The following PDE7B variants were observed in gnomAD, a reference collection of about 807,000 sequenced individuals.
PDE7B encodes the protein phosphodiesterase 7B.
A neutral mutation model predicts 56.2 loss-of-function variants in PDE7B; 29 were observed. That is an observed-to-expected ratio of 0.52 (90% CI 0.38 to 0.70). PDE7B has a LOEUF of 0.70. Ranked by LOEUF, PDE7B falls within the 30% of genes least tolerant of loss-of-function variation. The pLI is 0.00. For synonymous variants in PDE7B, 197 were observed against 196.9 expected, an observed-to-expected ratio of 1.00 and a Z score of 0.00; for missense variants, 490 against 565.0, an observed-to-expected ratio of 0.87 and a Z score of 1.35.
intron 1 of PDE7B, among the ~76,000 whole-genome samples, chr6:135,873,311 G>T (rs138708315): frequency 1.2e-3 from 190 of 152,256 alleles, no homozygotes; most frequent in African/African-American, 4.4e-3. Context: ...TGGGGGTAAA[G>T]ATGCCTTCCC....
chr6:135,878,170 A>G (rs1400229689), intron 1 of PDE7B, among the ~76,000 whole-genome samples: 1 of 152,226 alleles, frequency 6.6e-6, no homozygotes, highest in African/African-American at 2.4e-5. Context: ...TCTCATGACC[A>G]TAACACTGAA....
At chr6:136,178,949 A>C in intron 9 of PDE7B, 48 bp from the exon 10 acceptor site, 1 of 1,602,746 alleles carries the variant, frequency 6.2e-7, no homozygotes, top group Non-Finnish European at 8.5e-7. Context: ...CCCTCATCAA[A>C]GGGATTTGCT....
At chr6:136,151,941 AAAATAAAT>A (rs142191170) in intron 6 of PDE7B, among the ~76,000 whole-genome samples, 1 of 151,782 alleles carries the variant, frequency 6.6e-6, no homozygotes, top group Admixed American at 6.6e-5. Context: ...CTCTGTCTTA[AAAATAAAT>A]AAATAAATAA....
intron 6 of PDE7B, among the ~76,000 whole-genome samples, chr6:136,153,481 T>C (rs1778558343): frequency 6.6e-6 from 1 of 152,150 alleles, no homozygotes; most frequent in African/African-American, 2.4e-5. Context: ...AAGCCTTACA[T>C]TAGACTGCAG....
intron 2 of PDE7B, among the ~76,000 whole-genome samples, chr6:135,955,691 G>A (rs987176858): frequency 6.6e-6 from 1 of 152,102 alleles, no homozygotes; most frequent in Non-Finnish European, 1.5e-5. Context: ...AGAAAGACTA[G>A]TTTAGGGAAC....
chr6:135,913,691 A>G (rs1776249180), intron 1 of PDE7B, among the ~76,000 whole-genome samples: 1 of 152,236 alleles, frequency 6.6e-6, no homozygotes, highest in Non-Finnish European at 1.5e-5. Context: ...TAAAATTAAA[A>G]CAATTATGCT....
At chr6:136,023,107 T>C (rs1776099942) in intron 2 of PDE7B, among the ~76,000 whole-genome samples, 1 of 152,212 alleles carries the variant, frequency 6.6e-6, no homozygotes, top group Admixed American at 6.5e-5. Context: ...TGAGTCTCCA[T>C]CAGGCACTGT....
At position 135,857,024 on chromosome 6, in the gene PDE7B, TCCTCCCTC is replaced by T. The variant is rs57985628; in HGVS notation, c.21+5029_21+5036del. Reference sequence around the variant, plus strand: ...TTTCCTTCTGCCCTCTTACTCCTTTTCCTCCCTCCCTCCCTCCCTCCCTCCCTCCCTTC... The same window carrying T: ...TTTCCTTCTGCCCTCTTACTCCTTTTCCTCCCTCCCTCCCTCCCTCCCTTC... On this transcript the variant is annotated intron_variant, in intron 1 of 12. Transcript: ENST00000308191. Among the ~76,000 whole-genome samples, 536 of 127,580 alleles carry T rather than the reference TCCTCCCTC, an allele frequency of 4.2e-3. 7 individuals are homozygous for T. The highest frequency in any genetic ancestry group is 0.017 in the African/African-American group (489 of 29,506). The allele number at this position is 127,580 out of a possible 152,430, so 83.7% of individuals were successfully genotyped here.
chr6:136,013,521 G>C (rs1775927426), intron 2 of PDE7B, among the ~76,000 whole-genome samples: 1 of 152,240 alleles, frequency 6.6e-6, no homozygotes, highest in Non-Finnish European at 1.5e-5. Flanking sequence ...TAAGCATGCT[G>C]TTAGGAATGA....
chr6:136,022,032 A>T (rs186641923), intron 2 of PDE7B, among the ~76,000 whole-genome samples: 1 of 152,234 alleles, frequency 6.6e-6, no homozygotes, highest in Admixed American at 6.5e-5. Context: ...GTTTCTTTAG[A>T]CATAGCAGCT....
chr6:136,131,885 A>G (rs1778125029), intron 3 of PDE7B, among the ~76,000 whole-genome samples: 2 of 152,068 alleles, frequency 1.3e-5, no homozygotes, highest in African/African-American at 4.8e-5. Context: ...GCATTACAGT[A>G]TTTCTCACTC....
intron 2 of PDE7B, among the ~76,000 whole-genome samples, chr6:136,105,616 C>T (rs1463400320): frequency 3.3e-5 from 5 of 152,104 alleles, no homozygotes; most frequent in Non-Finnish European, 5.9e-5. Context: ...CTTATAATTT[C>T]CTTACAACAA....
At chr6:135,994,680 A>G (rs529188356) in intron 2 of PDE7B, among the ~76,000 whole-genome samples, 1 of 152,336 alleles carries the variant, frequency 6.6e-6, no homozygotes, top group East Asian at 1.9e-4. Flanking sequence ...CATTTATTCA[A>G]TTATATTCAA....
At chr6:136,139,065 C>T (rs942785346) in intron 3 of PDE7B, among the ~76,000 whole-genome samples, 2 of 152,014 alleles carry the variant, frequency 1.3e-5, no homozygotes, top group Non-Finnish European at 2.9e-5. Flanking sequence ...GTGTGCTGCA[C>T]CCATTAACTC....
intron 2 of PDE7B, among the ~76,000 whole-genome samples, chr6:135,983,211 C>A (rs995321451): frequency 2.0e-5 from 3 of 152,082 alleles, no homozygotes; most frequent in African/African-American, 7.2e-5. Flanking sequence ...TCTGGAGAAA[C>A]CGTGGATACT....
intron 2 of PDE7B, among the ~76,000 whole-genome samples, chr6:135,971,078 AATGTG>A (rs1775086222): frequency 6.6e-6 from 1 of 152,086 alleles, no homozygotes; most frequent in South Asian, 2.1e-4. Context: ...CGTACCTCAG[AATGTG>A]ATCTTTTCTA....
chr6:135,856,893 G>A (rs1362616924), intron 1 of PDE7B, among the ~76,000 whole-genome samples: 1 of 151,920 alleles, frequency 6.6e-6, no homozygotes, highest in Admixed American at 6.6e-5. Flanking sequence ...GAAAATAATA[G>A]CCACAGTCAA....
At chr6:136,162,372 C>T (rs570148134) in intron 8 of PDE7B, 11 of 152,046 alleles carry the variant, frequency 7.2e-5, no homozygotes, top group Non-Finnish European at 1.6e-4. Flanking sequence ...AAAAAAAACC[C>T]TTATAAAACC....
At chr6:135,861,147 C>T (rs1010027241) in intron 1 of PDE7B, among the ~76,000 whole-genome samples, 6 of 151,744 alleles carry the variant, frequency 4.0e-5, no homozygotes, top group Non-Finnish European at 7.4e-5. Context: ...TTAATTGTAT[C>T]CAGTTTTTAA....
Sources: gnomAD v4.1 joint callset for allele counts (sites outside exome capture counted in the v4.1 genomes callset) on GRCh38, gnomAD v4.1.1 for gene constraint, MANE v1.5 for transcripts, NCBI Gene and HGNC (gene_info 2026-07-23, HGNC 2026-07-21) for gene names.